The following NPSR1 variants were observed in gnomAD, a reference collection of about 807,000 sequenced individuals.
NPSR1 encodes neuropeptide S receptor.
A neutral mutation model predicts 46.9 loss-of-function variants in NPSR1; 48 were observed. The ratio of observed to expected loss-of-function variants is 1.02; its 90% CI spans 0.81 to 1.30. The LOEUF is 1.30. Ranked by LOEUF, NPSR1 falls within the 50% of genes most tolerant of loss-of-function variation. The pLI, the probability that NPSR1 is intolerant of heterozygous loss-of-function variation, is 0.00. For synonymous variants in NPSR1, 176 were observed against 168.1 expected, an observed-to-expected ratio of 1.05 and a Z score of -0.36; for missense variants, 450 against 449.5, an observed-to-expected ratio of 1.00 and a Z score of -0.01.
At chr7:34,834,290 A>G (rs1203705981) in intron 5 of NPSR1, 94 bp from the exon 6 acceptor site, 1 of 884,518 alleles carries the variant, frequency 1.1e-6, no homozygotes, top group East Asian at 2.4e-5. Flanking sequence ...GTCCCTTCAC[A>G]CCTTGCACTC....
At chr7:34,826,892 A>G (rs1222184976) in intron 4 of NPSR1, among the ~76,000 whole-genome samples, 1 of 151,688 alleles carries the variant, frequency 6.6e-6, no homozygotes, top group East Asian at 1.9e-4. Flanking sequence ...CCTACCAAAA[A>G]AAAAAAAAAA....
chr7:34,726,905 T>C (rs1784184565), intron 2 of NPSR1, among the ~76,000 whole-genome samples: 1 of 151,898 alleles, frequency 6.6e-6, no homozygotes, highest in South Asian at 2.1e-4. Flanking sequence ...TTTAGGGCAG[T>C]GAAACTATTT....
At chr7:34,694,359 T>G (rs1793410324) in intron 2 of NPSR1, among the ~76,000 whole-genome samples, 2 of 152,104 alleles carry the variant, frequency 1.3e-5, no homozygotes, top group Non-Finnish European at 2.9e-5. Flanking sequence ...TATACACCAG[T>G]AGTCTTCAGG....
At chr7:34,687,491 G>C (rs972004533) in intron 2 of NPSR1, among the ~76,000 whole-genome samples, 4 of 152,158 alleles carry the variant, frequency 2.6e-5, no homozygotes, top group African/African-American at 9.7e-5. Flanking sequence ...GGAGAAGCAG[G>C]TACCTTCTTC....
At chr7:34,838,135 C>G (rs918284440) in intron 6 of NPSR1, among the ~76,000 whole-genome samples, 7 of 152,116 alleles carry the variant, frequency 4.6e-5, no homozygotes, top group African/African-American at 1.7e-4. Context: ...CAGCATGCCT[C>G]CCCCCAGGGA....
At chr7:34,767,011 G>T (rs1786467728) in intron 2 of NPSR1, among the ~76,000 whole-genome samples, 1 of 152,176 alleles carries the variant, frequency 6.6e-6, no homozygotes, top group Non-Finnish European at 1.5e-5. Flanking sequence ...AGGGAGTGTG[G>T]CTATAAAGGG....
chr7:34,669,441 C>T (rs1455839880), intron 1 of NPSR1, among the ~76,000 whole-genome samples: 4 of 151,980 alleles, frequency 2.6e-5, no homozygotes, highest in Non-Finnish European at 5.9e-5. Context: ...CAGGTGCCTG[C>T]AGTCCCAGCC....
chr7:34,679,913 T>C (rs1792530530), intron 1 of NPSR1, among the ~76,000 whole-genome samples: 1 of 152,082 alleles, frequency 6.6e-6, no homozygotes, highest in East Asian at 1.9e-4. Flanking sequence ...AAATACAAAA[T>C]GTTAAAATTG....
intron 6 of NPSR1, 73 bp from the exon 7 acceptor site, chr7:34,844,823 G>A: frequency 1.1e-5 from 10 of 949,526 alleles, no homozygotes; most frequent in South Asian, 1.0e-4. Context: ...AACCTTTAAT[G>A]TTCCTATTGG....
rs1374802210 is a variant in NPSR1, at chr7:34,860,546, T to C, written c.1025+11883T>C. Reference sequence around the variant, plus strand: ...TAACTTTATGCAAATCTTTTTAAGTTTGACTTAATAGAAGACAGATTTTCA... The same window carrying C: ...TAACTTTATGCAAATCTTTTTAAGTCTGACTTAATAGAAGACAGATTTTCA... On this transcript the variant is annotated intron_variant, in intron 8 of 8. Transcript: ENST00000359791. Among the ~76,000 whole-genome samples, 4 of 151,860 alleles carry C rather than the reference T, an allele frequency of 2.6e-5. 1 individual carries two copies. The highest frequency in any genetic ancestry group is 9.7e-5 in the African/African-American group (4 of 41,118).
intron 2 of NPSR1, chr7:34,752,111 C>T (rs530893979): frequency 2.1e-5 from 11 of 533,364 alleles, no homozygotes; most frequent in African/African-American, 3.8e-5. Flanking sequence ...GCCAGACCAA[C>T]TTAAAATTAC....
intron 8 of NPSR1, among the ~76,000 whole-genome samples, chr7:34,873,984 C>T (rs553977680): frequency 6.6e-6 from 1 of 151,748 alleles, no homozygotes; most frequent in East Asian, 1.9e-4. Context: ...CAACTCATAC[C>T]TGTAAGGGCC....
At chr7:34,788,923 C>A (rs548603690) in intron 3 of NPSR1, among the ~76,000 whole-genome samples, 1 of 151,710 alleles carries the variant, frequency 6.6e-6, no homozygotes, top group Non-Finnish European at 1.5e-5. Context: ...CAAGTCACAA[C>A]AAAATTAAGA....
chr7:34,761,431 T>C (rs1391456888), intron 2 of NPSR1, among the ~76,000 whole-genome samples: 3 of 152,202 alleles, frequency 2.0e-5, no homozygotes, highest in Non-Finnish European at 2.9e-5. Context: ...CAGCAAACCA[T>C]ATACCTCACA....
intron 2 of NPSR1, chr7:34,719,954 C>A (rs1783767501): frequency 6.6e-6 from 1 of 152,040 alleles, no homozygotes; most frequent in Non-Finnish European, 1.5e-5. Flanking sequence ...GCCCTCCATG[C>A]CCATGCCACA....
rs1218486598 is a variant in NPSR1, at chr7:34,868,884, G to T, written c.1026-9192G>T. 2.6e-5 allele frequency among the ~76,000 whole-genome samples: 4 copies of T among 151,652 alleles called. No individual in the cohort carries two copies. In the East Asian group the frequency reaches 7.7e-4, roughly 29 times the overall value. ...TGCGGCTGACCCTCAAATCTCCAAA[G>T]GCCTGAATCAGGGTGGCCCGGGGCA... On this transcript the variant is annotated intron_variant, in intron 8 of 8. Coordinates refer to the NPSR1 transcript ENST00000359791.
At chr7:34,760,891 A>T (rs1786139052) in intron 2 of NPSR1, among the ~76,000 whole-genome samples, 1 of 152,172 alleles carries the variant, frequency 6.6e-6, no homozygotes, top group Non-Finnish European at 1.5e-5. Flanking sequence ...CTCTAAGAGG[A>T]GCCAGTGTGA....
chr7:34,876,077 G>C (rs1171012485), intron 8 of NPSR1, among the ~76,000 whole-genome samples: 2 of 152,210 alleles, frequency 1.3e-5, no homozygotes, highest in Non-Finnish European at 2.9e-5. Context: ...GGCAGGGAGA[G>C]ATGAAGGGGC....
chr7:34,832,174 G>A (rs956810938), intron 5 of NPSR1, among the ~76,000 whole-genome samples: 1 of 152,218 alleles, frequency 6.6e-6, no homozygotes, highest in Non-Finnish European at 1.5e-5. Flanking sequence ...ACAGATTATG[G>A]AGTCATTTTG....
Sources: gnomAD v4.1 joint callset for allele counts (sites outside exome capture counted in the v4.1 genomes callset) on GRCh38, gnomAD v4.1.1 for gene constraint, MANE v1.5 for transcripts, NCBI Gene and HGNC (gene_info 2026-07-23, HGNC 2026-07-21) for gene names.